Variants in EDEM1 observed in about 807,000 individuals in gnomAD.
EDEM1 encodes the protein ER degradation enhancing alpha-mannosidase like protein 1.
EDEM1 carries 67 observed loss-of-function variants against 74.4 expected under a neutral mutation model. That is an observed-to-expected ratio of 0.90 (90% CI 0.74 to 1.10). The LOEUF is 1.10. Ranked by LOEUF, EDEM1 falls within the 50% of genes least tolerant of loss-of-function variation. EDEM1 has a pLI of 0.00. For synonymous variants in EDEM1, 382 were observed against 335.9 expected (o/e 1.14, Z -1.50); for missense variants, 926 against 851.6 (o/e 1.09, Z -1.09).
intron 2 of EDEM1, among the ~76,000 whole-genome samples, chr3:5,198,084 G>A (rs893929837): frequency 4.0e-5 from 6 of 151,756 alleles, no homozygotes; most frequent in African/African-American, 1.5e-4. Flanking sequence ...TTGCTGTGTT[G>A]CCCAGGCTGG....
At chr3:5,188,374 C>G in intron 1 of EDEM1, 60 bp downstream of exon 1, 5 of 1,359,456 alleles carry the variant, frequency 3.7e-6, no homozygotes, top group Non-Finnish European at 3.8e-6. Context: ...CCCTCCGCGC[C>G]GGGGTGCAGC....
At chr3:5,212,002 C>T (rs1425098903) in intron 10 of EDEM1, among the ~76,000 whole-genome samples, 1 of 152,138 alleles carries the variant, frequency 6.6e-6, no homozygotes, top group Non-Finnish European at 1.5e-5. Context: ...AGAACTTGGG[C>T]AGAGGGTCAG....
At position 5,211,097 on chromosome 3, in the gene EDEM1, C is replaced by T. The variant is rs922540074; in HGVS notation, c.1584-23C>T. On this transcript the variant is annotated intron_variant, in intron 9 of 11. Transcript: ENST00000256497. Reference sequence around the variant, plus strand: ...CAGGTGGGAAGGAAGAGAGGCAGGACTGACCAGATGATTGTTTTGTAGGTG... The same window carrying T: ...CAGGTGGGAAGGAAGAGAGGCAGGATTGACCAGATGATTGTTTTGTAGGTG... 8 of 1,611,224 alleles carry T rather than the reference C, an allele frequency of 5.0e-6. No homozygotes were observed. In the African/African-American group the frequency reaches 6.7e-5, roughly 13 times the overall value.
intron 5 of EDEM1, among the ~76,000 whole-genome samples, chr3:5,203,767 G>C (rs1043593118): frequency 1.3e-5 from 2 of 152,118 alleles, no homozygotes; most frequent in African/African-American, 4.8e-5. Context: ...GGGTCTCACT[G>C]TGTCACCTAG....
At chr3:5,193,261 G>A (rs1288187153) in intron 1 of EDEM1, among the ~76,000 whole-genome samples, 3 of 152,182 alleles carry the variant, frequency 2.0e-5, no homozygotes, top group South Asian at 2.1e-4. Context: ...GAGCAACAGA[G>A]TGAAATATTT....
intron 8 of EDEM1, among the ~76,000 whole-genome samples, chr3:5,208,759 GTA>G (rs568994996): frequency 6.7e-4 from 99 of 148,156 alleles, no homozygotes; most frequent in South Asian, 5.1e-3. Context: ...GTGTGTGTGT[GTA>G]TATATATATA....
chr3:5,208,770 T>TACAC (rs536161440), intron 8 of EDEM1, among the ~76,000 whole-genome samples: 29 of 148,416 alleles, frequency 2.0e-4, no homozygotes, highest in East Asian at 5.9e-4. Context: ...TATATATATA[T>TACAC]ACACACACAC....
At position 5,219,680 on chromosome 3, in the gene EDEM1, TAAGA is replaced by T. The variant is rs1459767053; in HGVS notation, c.*3766_*3769del. On this transcript the variant is annotated 3_prime_UTR_variant, in exon 12 of 12. Coordinates refer to ENST00000256497, the MANE Select transcript of EDEM1 (RefSeq NM_014674.3). ...AAGCTGCATTTTTATTTATTTTGCA[TAAGA>T]AAGGTAAATCTTTTTACAAAAAAAA... 1.3e-5 allele frequency: 2 copies of T among 152,642 alleles called. No homozygotes were observed. Among genetic ancestry groups the T allele is most frequent in the South Asian group, 2.1e-4 (1 of 4,832 alleles). 9.5% of individuals were successfully genotyped at this position (152,642 alleles called of 1,614,324 possible). A position where few individuals can be genotyped will look rare whatever the true frequency, so the allele number is the denominator to read the frequency against.
Position 5,199,668 on chromosome 3 carries a change from C to T in EDEM1, c.659C>T (p.Thr220Ile), listed in dbSNP as rs2055011099. 1.2e-6 allele frequency: 2 copies of T among 1,613,518 alleles called. No individual in the cohort carries two copies. Among genetic ancestry groups the T allele is most frequent in the South Asian group, 1.1e-5 (1 of 90,996 alleles). The change falls in exon 3 of 12, where the codon ACC (threonine) becomes ATC (isoleucine). Residue 220 changes from threonine (T) to isoleucine (I), a missense_variant. By Grantham distance (89) the Thr-to-Ile change is moderately conservative (BLOSUM62 -1). Transcript: ENST00000256497. Reference sequence around the variant, plus strand: ...ACAGTTTCATTTGACAAAGATTCCACCGTCCAAGTCTTTGAGGCCACGATA... The same window carrying T: ...ACAGTTTCATTTGACAAAGATTCCATCGTCCAAGTCTTTGAGGCCACGATA... ...INTVSFDKDS[T>I]VQVFEATIRV...
At chr3:5,192,062 C>CT (rs2054908583) in intron 1 of EDEM1, among the ~76,000 whole-genome samples, 1 of 152,252 alleles carries the variant, frequency 6.6e-6, no homozygotes, top group South Asian at 2.1e-4. Flanking sequence ...CTGCATTCCT[C>CT]TTTCTTTGGA....
Position 5,203,141 on chromosome 3 carries a change from G to T in EDEM1, c.1034G>T (p.Gly345Val), listed in dbSNP as rs757779290. 1.3e-6 allele frequency: 2 copies of T among 1,575,264 alleles called. No homozygotes were observed. The highest frequency in any genetic ancestry group is 1.7e-6 in the Non-Finnish European group (2 of 1,162,680). The change falls in exon 5 of 12, where the codon GGA becomes GTA. Residue 345 changes from glycine (G) to valine (V), a missense_variant. Transcript: ENST00000256497. The stretch of plus-strand genomic sequence containing the variant: ...TGGAACCTCCGGAGCAATGATACAG[G>T]ATTACTAGGTGTGGCACCTTTCCTC... ...ALWNLRSNDT[G>V]LLGNVVNIQT...
At chr3:5,198,353 ACT>A (rs1339982886) in intron 2 of EDEM1, among the ~76,000 whole-genome samples, 6 of 152,066 alleles carry the variant, frequency 3.9e-5, no homozygotes, top group Admixed American at 3.9e-4. Context: ...CAGCCGGTTG[ACT>A]CTCTGATTAG....
In EDEM1 at chr3:5,194,803, C is replaced by A. The variant is rs574541431; in HGVS notation, c.510-406C>A. Among the ~76,000 whole-genome samples, 6 of 152,304 alleles carry A rather than the reference C, an allele frequency of 3.9e-5. No homozygotes were observed. The East Asian group carries it at 1.2e-3, about 29-fold the overall frequency. On this transcript the variant is annotated intron_variant, in intron 1 of 11. Coordinates refer to ENST00000256497, the MANE Select transcript of EDEM1 (RefSeq NM_014674.3). ...TAATATAGGCTGTGGTGTCTAATTT[C>A]TGTATTAAAGTATTACAGGTGGGTC...
chr3:5,205,559 G>A (rs1380618415), intron 6 of EDEM1, among the ~76,000 whole-genome samples: 2 of 152,220 alleles, frequency 1.3e-5, no homozygotes, highest in African/African-American at 4.8e-5. Context: ...CAAGCTGGTG[G>A]CCAGGGCCAC....
At position 5,219,571 on chromosome 3, in the gene EDEM1, T is replaced by C. The variant is rs1312413106; in HGVS notation, c.*3653T>C. ...TCAAGTACCTGTGGAACTCCCTGAT[T>C]CTATACCCTCTTCCTTCTTTCTGCA... On this transcript the variant is annotated 3_prime_UTR_variant, in exon 12 of 12. Transcript: ENST00000256497. 6.6e-6 allele frequency: 1 copy of C among 152,286 alleles called. No homozygotes were observed. The allele number at this position is 152,286 out of a possible 1,614,324, so 9.4% of individuals were successfully genotyped here.
At chr3:5,195,172 T>A in intron 1 of EDEM1, 37 bp from the exon 2 acceptor site, 1 of 1,265,240 alleles carries the variant, frequency 7.9e-7, no homozygotes, top group Non-Finnish European at 1.1e-6. Context: ...TCTTTTGAAA[T>A]AAAGTCTTTT....
rs772652438 is a variant in EDEM1, at chr3:5,201,786, A to G, written c.720A>G (p.Ile240Met). 1.9e-6 allele frequency: 3 copies of G among 1,614,198 alleles called. No homozygotes were observed. The East Asian group carries it at 6.7e-5, about 36-fold the overall frequency. Residue 240 changes from isoleucine (I) to methionine (M), a missense_variant, in exon 4 of 12, where the codon ATA (isoleucine) becomes ATG (methionine). Physicochemically the swap from Ile to Met is conservative, Grantham distance 10. Coordinates refer to ENST00000256497, the MANE Select transcript of EDEM1 (RefSeq NM_014674.3). Reference sequence around the variant, plus strand: ...GAAGCCTCCTTTCTGCTCACAGAATAATAACTGACTCCAAGCAGCCCTTTG... The same window carrying G: ...GAAGCCTCCTTTCTGCTCACAGAATGATAACTGACTCCAAGCAGCCCTTTG... Reference protein sequence around the residue: ...VLGSLLSAHRIITDSKQPFGD... With the variant: ...VLGSLLSAHRMITDSKQPFGD...
At chr3:5,204,341 T>C (rs1041686434) in intron 5 of EDEM1, among the ~76,000 whole-genome samples, 6 of 152,084 alleles carry the variant, frequency 3.9e-5, no homozygotes, top group African/African-American at 1.2e-4. Flanking sequence ...GTTGTTGTTT[T>C]TATTATTAAA....
In EDEM1 at chr3:5,201,745, G is replaced by T; in HGVS notation, c.687-8G>T. 6.2e-7 allele frequency: 1 copy of T among 1,613,662 alleles called. No homozygotes were observed. The highest frequency in any genetic ancestry group is 1.1e-5 in the South Asian group (1 of 90,998). On this transcript the variant is annotated splice_polypyrimidine_tract_variant and splice_region_variant and intron_variant, in intron 3 of 11. Coordinates refer to ENST00000256497, the MANE Select transcript of EDEM1 (RefSeq NM_014674.3). The stretch of plus-strand genomic sequence containing the variant: ...ATTGTATTATCTTTTTGTTCTTCCT[G>T]TCATTAGGGTCCTGGGAAGCCTCCT...
Sources: gnomAD v4.1 joint callset for allele counts (sites outside exome capture counted in the v4.1 genomes callset) on GRCh38, gnomAD v4.1.1 for gene constraint, MANE v1.5 for transcripts, NCBI Gene and HGNC (gene_info 2026-07-23, HGNC 2026-07-21) for gene names.